SP140L: variants seen among roughly 807,000 people sequenced by gnomAD.
SP140L encodes the protein nuclear body protein SP140-like protein.
Under a neutral mutation model 84.3 loss-of-function variants are expected in SP140L, and 64 were observed. The ratio of observed to expected loss-of-function variants is 0.76; its 90% CI spans 0.62 to 0.94. SP140L has a LOEUF of 0.94. Among genes scored for constraint, SP140L ranks in the 40% least tolerant of loss-of-function variants. The pLI is 0.00. For synonymous variants in SP140L, 242 were observed against 236.9 expected (o/e 1.02, Z -0.20); for missense variants, 628 against 692.5 (o/e 0.91, Z 1.05).
intron 7 of SP140L, among the ~76,000 whole-genome samples, chr2:230,378,027 A>C (rs1461160824): frequency 6.6e-6 from 1 of 152,040 alleles, no homozygotes; most frequent in African/African-American, 2.4e-5. Flanking sequence ...CTTTTTTTGC[A>C]TGTGGATACT....
rs953728289 is a variant in SP140L, at chr2:230,392,189, G to C, written c.1067G>C (p.Ser356Thr). ...GYARSKNWRL[S>T]VRCGGWPLRR... ...GCAAGATCAAAGAACTGGAGGCTGA[G>C]TGTGCGCTGTGGCGGGTGGCCCCTA... Residue 356 changes from serine to threonine, a missense_variant, in exon 12 of 19, where the codon AGT (serine) becomes ACT (threonine). Transcript: ENST00000415673. 9 of 1,614,110 alleles carry C rather than the reference G, an allele frequency of 5.6e-6. No individual in the cohort carries two copies. Among genetic ancestry groups the C allele is most frequent in the East Asian group, 2.2e-5 (1 of 44,882 alleles).
At chr2:230,349,653 A>G (rs889095263) in intron 2 of SP140L, among the ~76,000 whole-genome samples, 4 of 151,462 alleles carry the variant, frequency 2.6e-5, no homozygotes, top group African/African-American at 9.7e-5. Flanking sequence ...TACATTTCTA[A>G]GTTTACTAGT....
chr2:230,396,609 C>A, intron 13 of SP140L, 148 bp from the exon 14 acceptor site: 1 of 859,436 alleles, frequency 1.2e-6, no homozygotes, highest in South Asian at 1.8e-5. Context: ...CTGGAGCCAC[C>A]CCAGCCTACT....
chr2:230,384,619 A>G (rs2061511827), intron 8 of SP140L, among the ~76,000 whole-genome samples: 1 of 152,226 alleles, frequency 6.6e-6, no homozygotes, highest in Non-Finnish European at 1.5e-5. Context: ...TATTTTAAGA[A>G]TGGGTGTTTT....
chr2:230,384,156 T>A (rs2061494214), intron 8 of SP140L, among the ~76,000 whole-genome samples: 2 of 152,104 alleles, frequency 1.3e-5, no homozygotes, highest in African/African-American at 4.8e-5. Context: ...TTTGTGGTAT[T>A]TAAGTATATG....
chr2:230,337,728 C>T (rs1181977986), intron 2 of SP140L, among the ~76,000 whole-genome samples: 2 of 151,968 alleles, frequency 1.3e-5, no homozygotes, highest in Non-Finnish European at 2.9e-5. Context: ...GCCAGTTTTC[C>T]CAGCACCATT....
intron 9 of SP140L, 70 bp downstream of exon 9, chr2:230,385,374 C>T (rs2061542186): frequency 1.4e-6 from 2 of 1,446,700 alleles, no homozygotes; most frequent in South Asian, 1.2e-5. Flanking sequence ...TTTGAGGAGC[C>T]TAGAAGCTTT....
At chr2:230,378,996 A>G (rs953587351) in intron 7 of SP140L, among the ~76,000 whole-genome samples, 2 of 152,106 alleles carry the variant, frequency 1.3e-5, no homozygotes, top group Non-Finnish European at 2.9e-5. Context: ...TTCTTTTATC[A>G]TTATACAGCA....
chr2:230,351,776 A>T (rs1456748471), intron 2 of SP140L, among the ~76,000 whole-genome samples: 1 of 152,048 alleles, frequency 6.6e-6, no homozygotes, highest in Non-Finnish European at 1.5e-5. Context: ...CCACTCAAGT[A>T]GTTAGATCTA....
At chr2:230,348,083 C>T (rs973348813) in intron 2 of SP140L, among the ~76,000 whole-genome samples, 1 of 152,216 alleles carries the variant, frequency 6.6e-6, no homozygotes, top group African/African-American at 2.4e-5. Flanking sequence ...TGGATGTCCT[C>T]CTCAGGCTCT....
In SP140L at chr2:230,329,175, G is replaced by A. The variant is rs1271457525; in HGVS notation, c.107+344G>A. Among the ~76,000 whole-genome samples, 5 of 152,212 alleles carry A rather than the reference G, an allele frequency of 3.3e-5. No individual in the cohort carries two copies. In the East Asian group the frequency reaches 9.6e-4, roughly 29 times the overall value. ...AATAGTGATGCAGAGAGTTGCTGAGGCACTCTGTGAGCACGGCCAGTTTTT... is the reference window on the plus strand; with the variant it reads ...AATAGTGATGCAGAGAGTTGCTGAGACACTCTGTGAGCACGGCCAGTTTTT... On this transcript the variant is annotated intron_variant, in intron 2 of 18. Transcript: ENST00000415673.
chr2:230,350,887 G>A (rs565390447), intron 2 of SP140L, among the ~76,000 whole-genome samples: 61 of 152,280 alleles, frequency 4.0e-4, no homozygotes, highest in African/African-American at 1.4e-3. Flanking sequence ...CTAGGCAGAA[G>A]AAACAGTCAA....
chr2:230,362,043 G>A (rs1301648697), intron 5 of SP140L, among the ~76,000 whole-genome samples: 1 of 152,156 alleles, frequency 6.6e-6, no homozygotes, highest in East Asian at 1.9e-4. Context: ...ACAGCCCATG[G>A]CCCATGGTCA....
chr2:230,374,575 A>G (rs2061184370), intron 7 of SP140L, among the ~76,000 whole-genome samples: 1 of 152,214 alleles, frequency 6.6e-6, no homozygotes, highest in Non-Finnish European at 1.5e-5. Context: ...TACATGTTAC[A>G]GAGAAATCTT....
At position 230,400,065 on chromosome 2, in the gene SP140L, A is replaced by G. The variant is rs903304724; in HGVS notation, c.1198-62A>G. The G allele has an allele frequency of 1.9e-6, 3 of 1,578,710 alleles. No individual in the cohort carries two copies. The African/African-American group carries it at 4.0e-5, about 21-fold the overall frequency. On this transcript the variant is annotated intron_variant, in intron 14 of 18. Coordinates refer to ENST00000415673, the MANE Select transcript of SP140L (RefSeq NM_138402.6). ...CATAAGCAGTGTGTTCTAGATGCCC[A>G]GAGGGGTGGCCTTCCTGAATCTTGT... is the stretch of plus-strand genomic sequence containing the variant.
intron 2 of SP140L, among the ~76,000 whole-genome samples, chr2:230,331,900 G>T (rs1237618969): frequency 6.6e-6 from 1 of 151,930 alleles, no homozygotes; most frequent in Admixed American, 6.6e-5. Flanking sequence ...TAGCAGCTTT[G>T]TCTGCTCTTT....
chr2:230,387,082 G>A (rs1402631968), intron 9 of SP140L, among the ~76,000 whole-genome samples: 1 of 152,164 alleles, frequency 6.6e-6, no homozygotes, highest in Non-Finnish European at 1.5e-5. Context: ...GCTTCTCAGA[G>A]AGCCACACCT....
chr2:230,385,218 C>T lies in SP140L; in HGVS notation c.704-6C>T, dbSNP rs374309846. 6.2e-7 allele frequency: 1 copy of T among 1,613,246 alleles called. No homozygotes were observed. Among genetic ancestry groups the T allele is most frequent in the East Asian group, 2.2e-5 (1 of 44,862 alleles). Reference sequence around the variant, plus strand: ...TATTAATACATTTTCCCTTGCCTATCCCCAGATAACAGCAAAGCCGATGGC... The same window carrying T: ...TATTAATACATTTTCCCTTGCCTATTCCCAGATAACAGCAAAGCCGATGGC... On this transcript the variant is annotated splice_polypyrimidine_tract_variant and splice_region_variant and intron_variant, in intron 8 of 18. Transcript: ENST00000415673.
At chr2:230,347,545 C>T (rs1229349882) in intron 2 of SP140L, among the ~76,000 whole-genome samples, 1 of 152,022 alleles carries the variant, frequency 6.6e-6, no homozygotes. Context: ...GTGTCCTTGG[C>T]TTTGTTTACT....
Sources: gnomAD v4.1 joint callset for allele counts (sites outside exome capture counted in the v4.1 genomes callset) on GRCh38, gnomAD v4.1.1 for gene constraint, MANE v1.5 for transcripts, NCBI Gene and HGNC (gene_info 2026-07-23, HGNC 2026-07-21) for gene names.